TNFRSF1B: variants seen among roughly 807,000 people sequenced by gnomAD.
The protein encoded by TNFRSF1B is tumor necrosis factor receptor superfamily member 1B.
A neutral mutation model predicts 44.6 loss-of-function variants in TNFRSF1B; 19 were observed. The ratio of observed to expected loss-of-function variants is 0.43; its 90% CI spans 0.30 to 0.62. The LOEUF is 0.62. Among genes scored for constraint, TNFRSF1B ranks in the 20% least tolerant of loss-of-function variants. The pLI, the probability that TNFRSF1B is intolerant of heterozygous loss-of-function variation, is 0.16. For synonymous variants in TNFRSF1B, 252 were observed against 261.1 expected (o/e 0.97, Z 0.34); for missense variants, 541 against 619.9 (o/e 0.87, Z 1.35).
intron 9 of TNFRSF1B, among the ~76,000 whole-genome samples, chr1:12,205,176 G>C (rs1430063564): frequency 6.6e-6 from 1 of 152,150 alleles, no homozygotes; most frequent in East Asian, 1.9e-4. Flanking sequence ...GAGGCCAGGG[G>C]GTGGAGGGCG....
intron 1 of TNFRSF1B, among the ~76,000 whole-genome samples, chr1:12,184,280 A>G (rs189706756): frequency 9.9e-4 from 149 of 151,092 alleles, no homozygotes; most frequent in Non-Finnish European, 1.7e-3. Context: ...GGAGGGAGTG[A>G]CCTTTTGTTC....
chr1:12,190,653 A>G (rs1639094977), intron 2 of TNFRSF1B, among the ~76,000 whole-genome samples: 1 of 152,130 alleles, frequency 6.6e-6, no homozygotes, highest in African/African-American at 2.4e-5. Context: ...CCATCTATCA[A>G]GAAGGAAGAA....
rs906481892 is a variant in TNFRSF1B at position 12,180,718 on chromosome 1, G to T, written c.79-8078G>T. On this transcript the variant is annotated intron_variant, in intron 1 of 9. Coordinates refer to ENST00000376259, the MANE Select transcript of TNFRSF1B (RefSeq NM_001066.3). This position sits in a 1 kb window ranked among gnomAD's most constrained non-coding sequence, Gnocchi z 4.3. Reference sequence around the variant, plus strand: ...GAAGAGAGGGGACGGTGTGCAGGGAGGGTGGAACCTGACTGACCGGGTCAG... The same window carrying T: ...GAAGAGAGGGGACGGTGTGCAGGGATGGTGGAACCTGACTGACCGGGTCAG... Among the ~76,000 whole-genome samples, 2 of 152,188 alleles carry T rather than the reference G, an allele frequency of 1.3e-5. No individual in the cohort carries two copies. The highest frequency in any genetic ancestry group is 2.9e-5 in the Non-Finnish European group (2 of 68,028).
chr1:12,167,293 C>T, intron 1 of TNFRSF1B, 124 bp downstream of exon 1: 1 of 702,784 alleles, frequency 1.4e-6, no homozygotes, highest in Non-Finnish European at 2.0e-6. Flanking sequence ...GGCTGGGAGT[C>T]CCAGTCGCCG....
Position 12,192,274 on chromosome 1 carries a change from A to T in TNFRSF1B, c.458-157A>T, listed in dbSNP as rs1227955380. Reference sequence around the variant, plus strand: ...TGTGTGTGTGCATGTGTGTACAGGCATCTGTGTGTGTGTGTGTGTGTGTGT... The same window carrying T: ...TGTGTGTGTGCATGTGTGTACAGGCTTCTGTGTGTGTGTGTGTGTGTGTGT... On this transcript the variant is annotated intron_variant, in intron 4 of 9. Transcript: ENST00000376259. The T allele has an allele frequency of 8.7e-6, 6 of 689,470 alleles. No homozygotes were observed. The East Asian group carries it at 1.4e-4, about 17-fold the overall frequency. 42.7% of individuals were successfully genotyped at this position (689,470 alleles called of 1,614,324 possible). A position where few individuals can be genotyped will look rare whatever the true frequency, so the allele number is the denominator to read the frequency against.
At position 12,177,926 on chromosome 1, in the gene TNFRSF1B, C is replaced by A. The variant is rs17884096; in HGVS notation, c.78+10757C>A. ...ACCTGGGGGCAGGGGAACATCATCC[C>A]CATTTTACAGAAGAGGCCTTTGAAG... On this transcript the variant is annotated intron_variant, in intron 1 of 9. Coordinates refer to ENST00000376259, the MANE Select transcript of TNFRSF1B (RefSeq NM_001066.3). The surrounding 1 kb of genome is among the most constrained non-coding windows in gnomAD (Gnocchi z 4.3). Among the ~76,000 whole-genome samples the A allele has an allele frequency of 1.6e-3, 246 of 152,360 alleles. 1 individual carries two copies. The highest frequency in any genetic ancestry group is 5.6e-3 in the African/African-American group (232 of 41,584).
rs994521789 is a variant in TNFRSF1B, at chr1:12,168,291, G to A, written c.78+1122G>A. ...GGTGGGAGGTGGCACTGGCTTCTGT[G>A]GTGACATAAGGTGACTTGTTGATCT... On this transcript the variant is annotated intron_variant, in intron 1 of 9. Coordinates refer to ENST00000376259, the MANE Select transcript of TNFRSF1B (RefSeq NM_001066.3). This position sits in a 1 kb window ranked among gnomAD's most constrained non-coding sequence, Gnocchi z 4.7. Among the ~76,000 whole-genome samples the A allele has an allele frequency of 6.6e-6, 1 of 152,190 alleles. No individual in the cohort carries two copies. Among genetic ancestry groups the A allele is most frequent in the Non-Finnish European group, 1.5e-5 (1 of 68,026 alleles).
At chr1:12,182,393 C>A (rs541789386) in intron 1 of TNFRSF1B, among the ~76,000 whole-genome samples, 1 of 152,334 alleles carries the variant, frequency 6.6e-6, no homozygotes, top group African/African-American at 2.4e-5. Context: ...CTCCCCGGCC[C>A]CGCACCTTGT....
At position 12,184,992 on chromosome 1, in the gene TNFRSF1B, C is replaced by T. The variant is rs1260187201; in HGVS notation, c.79-3804C>T. ...AGCTGTGTCTGGGAGGCCGTTCGGT[C>T]GGAGGGGGATAGGCACAGCCCCTGC... On this transcript the variant is annotated intron_variant, in intron 1 of 9. Transcript: ENST00000376259. 3.9e-5 allele frequency among the ~76,000 whole-genome samples: 6 copies of T among 152,136 alleles called. No individual in the cohort carries two copies. In the East Asian group the frequency reaches 1.2e-3, roughly 29 times the overall value.
At chr1:12,176,184 A>G (rs1638651570) in intron 1 of TNFRSF1B, among the ~76,000 whole-genome samples, 1 of 152,112 alleles carries the variant, frequency 6.6e-6, no homozygotes, top group Admixed American at 6.6e-5. Flanking sequence ...GCACCATTGC[A>G]CTCCAGTCTG....
In TNFRSF1B at chr1:12,209,147, T is replaced by G. The variant is rs1018112403; in HGVS notation, c.*2127T>G. 6.6e-6 allele frequency: 1 copy of G among 152,124 alleles called. No individual in the cohort carries two copies. The highest frequency in any genetic ancestry group is 2.4e-5 in the African/African-American group (1 of 41,350). The allele number at this position is 152,124 out of a possible 1,614,324, so 9.4% of individuals were successfully genotyped here. On this transcript the variant is annotated 3_prime_UTR_variant, in exon 10 of 10. Coordinates refer to ENST00000376259, the MANE Select transcript of TNFRSF1B (RefSeq NM_001066.3). ...CCTTGGTTCCCTTGTGTGTGTGTGT[T>G]GATCCCAAGACAATGAAAGTTTGCA...
chr1:12,191,627 C>A, intron 3 of TNFRSF1B, 147 bp from the exon 4 acceptor site: 1 of 933,198 alleles, frequency 1.1e-6, no homozygotes, highest in Non-Finnish European at 1.7e-6. Flanking sequence ...TGCCCCTGGA[C>A]TCTGGCCGGT....
chr1:12,191,667 G>T (rs777929369), intron 3 of TNFRSF1B, 107 bp from the exon 4 acceptor site: 2 of 1,468,676 alleles, frequency 1.4e-6, no homozygotes, highest in Admixed American at 3.8e-5. Flanking sequence ...GAGGCGGTCC[G>T]CCAGCCTCCT....
intron 1 of TNFRSF1B, among the ~76,000 whole-genome samples, chr1:12,181,832 G>A (rs760314656): frequency 2.0e-5 from 3 of 152,156 alleles, no homozygotes; most frequent in Non-Finnish European, 2.9e-5. Context: ...CTCCCAGCTC[G>A]TGCTGTTTCT....
intron 1 of TNFRSF1B, among the ~76,000 whole-genome samples, chr1:12,183,850 T>TCTACCTAC (rs1314465065): frequency 2.9e-5 from 4 of 137,374 alleles, no homozygotes; most frequent in African/African-American, 5.2e-5. Context: ...TATCTATCTA[T>TCTACCTAC]CTACCTACCT....
chr1:12,206,792 C>T lies in TNFRSF1B; in HGVS notation c.1158C>T (p.Asn386=), dbSNP rs752767671. Residue 386 remains asparagine (N), a synonymous_variant, in exon 10 of 10, where the codon AAC becomes AAT. Coordinates refer to ENST00000376259, the MANE Select transcript of TNFRSF1B (RefSeq NM_001066.3). ...GTQVNVTCIV[N]VCSSSDHSSQ... ...AGGTCAATGTCACCTGCATCGTGAA[C>T]GTCTGTAGCAGCTCTGACCACAGCT... 61 of 1,612,712 alleles carry T rather than the reference C, an allele frequency of 3.8e-5. No homozygotes were observed. The highest frequency in any genetic ancestry group is 4.5e-5 in the East Asian group (2 of 44,840).
Position 12,187,154 on chromosome 1 carries a change from CT to C in TNFRSF1B, c.79-1627del, listed in dbSNP as rs747280935. ...CCTTTGCTTTTCTCTTTTCTCCCCT[CT>C]TTTTTTTTTTTTTTCGAGATGGAGT... On this transcript the variant is annotated intron_variant, in intron 1 of 9. Coordinates refer to ENST00000376259, the MANE Select transcript of TNFRSF1B (RefSeq NM_001066.3). This position sits in a 1 kb window ranked among gnomAD's most constrained non-coding sequence, Gnocchi z 5.5. 2.8e-3 allele frequency among the ~76,000 whole-genome samples: 390 copies of C among 140,710 alleles called. No homozygotes were observed. Among genetic ancestry groups the C allele is most frequent in the African/African-American group, 4.6e-3 (176 of 38,528 alleles). The allele number at this position is 140,710 out of a possible 152,430, so 92.3% of individuals were successfully genotyped here.
chr1:12,174,160 T>TCTTCTTCTC (rs1553162433), intron 1 of TNFRSF1B, among the ~76,000 whole-genome samples: 5 of 67,904 alleles, frequency 7.4e-5, no homozygotes, highest in African/African-American at 1.1e-4. Context: ...TTCTTCTTCT[T>TCTTCTTCTC]CTTCTCCTTC....
intron 9 of TNFRSF1B, among the ~76,000 whole-genome samples, chr1:12,205,677 AG>A: frequency 6.6e-6 from 1 of 152,280 alleles, no homozygotes; most frequent in East Asian, 1.9e-4. Context: ...GCTGGAGTGA[AG>A]TGACGTGATT....
Sources: allele counts gnomAD v4.1 joint callset (sites outside exome capture counted in the v4.1 genomes callset), GRCh38; gene constraint gnomAD v4.1.1; non-coding constraint Gnocchi (gnomAD v3.1); transcripts MANE v1.5; gene names NCBI Gene and HGNC (gene_info 2026-07-23, HGNC 2026-07-21).